Variants in BOLL observed in about 807,000 individuals in gnomAD.
BOLL encodes protein boule-like.
In BOLL, 23 loss-of-function variants were observed where a neutral mutation model predicts 44.4. The ratio of observed to expected loss-of-function variants is 0.52; its 90% confidence interval spans 0.37 to 0.73. BOLL has a LOEUF of 0.73. Ranked by LOEUF, BOLL falls within the 30% of genes least tolerant of loss-of-function variation. The pLI is 0.00. For missense variants in BOLL, 287 were observed against 338.3 expected (o/e 0.85, Z 1.19); for synonymous variants, 97 against 110.8 (o/e 0.88, Z 0.78).
At chr2:197,729,279 C>G (rs754018862) in intron 10 of BOLL, among the ~76,000 whole-genome samples, 3 of 152,198 alleles carry the variant, frequency 2.0e-5, no homozygotes, top group Admixed American at 6.5e-5. Context: ...CGGCGCACCA[C>G]GAGATTATAT....
intron 10 of BOLL, among the ~76,000 whole-genome samples, chr2:197,735,164 C>T (rs946891319): frequency 5.3e-5 from 8 of 151,976 alleles, no homozygotes; most frequent in African/African-American, 1.9e-4. Flanking sequence ...TCTATTTTCT[C>T]TCTTTAGAAG....
intron 3 of BOLL, among the ~76,000 whole-genome samples, chr2:197,777,940 A>T (rs1259351072): frequency 6.6e-6 from 1 of 151,966 alleles, no homozygotes; most frequent in Admixed American, 6.6e-5. Context: ...CTATTTGCCC[A>T]AACATTAAAA....
At chr2:197,730,244 G>A (rs1381388799) in intron 10 of BOLL, among the ~76,000 whole-genome samples, 3 of 131,966 alleles carry the variant, frequency 2.3e-5, no homozygotes, top group Non-Finnish European at 3.2e-5. Context: ...GAAATGAAGC[G>A]AGAAGGGAAG....
intron 5 of BOLL, among the ~76,000 whole-genome samples, chr2:197,775,453 A>G (rs1689465700): frequency 6.7e-6 from 1 of 148,564 alleles, no homozygotes; most frequent in South Asian, 2.1e-4. Context: ...AATATACTTA[A>G]GCATCTTTAT....
At chr2:197,785,933 C>T (rs771297767), upstream of BOLL, 4 of 1,456,152 alleles carry the variant, frequency 2.7e-6, no homozygotes, top group Non-Finnish European at 9.6e-7. The surrounding 1 kb of genome is among the most constrained non-coding windows in gnomAD (Gnocchi z 6.7). Flanking sequence ...CTCCACGCTG[C>T]TCCTTCTCCC....
intron 10 of BOLL, among the ~76,000 whole-genome samples, chr2:197,741,677 A>G (rs995972117): frequency 6.6e-6 from 1 of 152,130 alleles, no homozygotes; most frequent in Non-Finnish European, 1.5e-5. Context: ...TGGATTAAAG[A>G]CTTACATGTT....
At chr2:197,740,494 T>C (rs1209073509) in intron 10 of BOLL, among the ~76,000 whole-genome samples, 15 of 152,066 alleles carry the variant, frequency 9.9e-5, no homozygotes, top group Admixed American at 9.8e-4. Flanking sequence ...AGTCAAAATA[T>C]ATTGAGTGTA....
At chr2:197,744,650 A>C (rs1163693446) in intron 9 of BOLL, among the ~76,000 whole-genome samples, 1 of 152,204 alleles carries the variant, frequency 6.6e-6, no homozygotes, top group Non-Finnish European at 1.5e-5. Flanking sequence ...GCAGAAAATC[A>C]GGGAAGTGGT....
chr2:197,762,473 TA>T (rs941538625), intron 7 of BOLL, among the ~76,000 whole-genome samples: 3 of 151,992 alleles, frequency 2.0e-5, no homozygotes, highest in Non-Finnish European at 4.4e-5. Context: ...CATCAGGATA[TA>T]AAACATTCTC....
intron 9 of BOLL, among the ~76,000 whole-genome samples, chr2:197,754,788 A>C (rs1244546514): frequency 1.3e-5 from 2 of 148,648 alleles, no homozygotes; most frequent in African/African-American, 2.5e-5. Context: ...CACACACACA[A>C]ACCATAGAAG....
intron 10 of BOLL, 74 bp from the exon 11 acceptor site, chr2:197,728,652 C>T: frequency 1.0e-6 from 1 of 964,426 alleles, no homozygotes. Context: ...CAGATGAGTA[C>T]AGACCATCAA....
rs758082088 is a variant in BOLL, at chr2:197,727,002, A to G, written c.*1553T>C. ...TGGTTCTCAAGGATAGTGCTATTAA[A>G]AGAAAATCTTGAACATCAGTGGTTA... On this transcript the variant is annotated 3_prime_UTR_variant, in exon 11 of 11. Coordinates refer to ENST00000392296, the MANE Select transcript of BOLL (RefSeq NM_033030.6). 7 of 152,692 alleles carry G rather than the reference A, an allele frequency of 4.6e-5. No homozygotes were observed. Among genetic ancestry groups the G allele is most frequent in the African/African-American group, 7.2e-5 (3 of 41,442 alleles). 9.5% of individuals were successfully genotyped at this position (152,692 alleles called of 1,614,324 possible).
intron 6 of BOLL, among the ~76,000 whole-genome samples, chr2:197,770,936 G>T (rs549425784): frequency 2.2e-4 from 33 of 152,220 alleles, no homozygotes; most frequent in African/African-American, 7.7e-4. Flanking sequence ...GGAAGTCAGT[G>T]TGGCGATTTC....
chr2:197,776,443 C>A (rs1689517133), intron 4 of BOLL, among the ~76,000 whole-genome samples: 1 of 151,786 alleles, frequency 6.6e-6, no homozygotes, highest in Non-Finnish European at 1.5e-5. Flanking sequence ...AGGTTGATGG[C>A]AATATTGTGA....
At position 197,780,754 on chromosome 2, in the gene BOLL, A is replaced by C. The variant is rs73990706; in HGVS notation, c.129+968T>G. Among the ~76,000 whole-genome samples, 1,425 of 146,310 alleles carry C rather than the reference A, an allele frequency of 9.7e-3. 26 individuals carry two copies. Among genetic ancestry groups the C allele is most frequent in the African/African-American group, 0.033 (1,293 of 38,830 alleles). On this transcript the variant is annotated intron_variant, in intron 2 of 10. Coordinates refer to ENST00000392296, the MANE Select transcript of BOLL (RefSeq NM_033030.6). Reference sequence around the variant, plus strand: ...ATATGGAAATAGTTATAAATGTCAAATATCACACCTAATGGCATAAGGAAG... The same window carrying C: ...ATATGGAAATAGTTATAAATGTCAACTATCACACCTAATGGCATAAGGAAG...
At chr2:197,750,082 C>G (rs1378955693) in intron 9 of BOLL, among the ~76,000 whole-genome samples, 1 of 152,192 alleles carries the variant, frequency 6.6e-6, no homozygotes, top group African/African-American at 2.4e-5. Context: ...AAATCCTTTA[C>G]AGACAAGCAA....
At chr2:197,764,663 A>G (rs1688907400) in intron 7 of BOLL, among the ~76,000 whole-genome samples, 1 of 152,116 alleles carries the variant, frequency 6.6e-6, no homozygotes, top group South Asian at 2.1e-4. Flanking sequence ...ATTTACTTGT[A>G]TTCCTGTTTT....
At chr2:197,752,294 G>A (rs1688298391) in intron 9 of BOLL, among the ~76,000 whole-genome samples, 1 of 152,136 alleles carries the variant, frequency 6.6e-6, no homozygotes. Context: ...TGGAAGTTCT[G>A]GCCAGGGCAA....
chr2:197,740,327 T>C (rs1687673630), intron 10 of BOLL, among the ~76,000 whole-genome samples: 1 of 152,176 alleles, frequency 6.6e-6, no homozygotes, highest in Non-Finnish European at 1.5e-5. Context: ...CTCACCAAAG[T>C]ACACTGTATG....
Sources: allele counts gnomAD v4.1 joint callset (sites outside exome capture counted in the v4.1 genomes callset), GRCh38; gene constraint gnomAD v4.1.1; non-coding constraint Gnocchi (gnomAD v3.1); transcripts MANE v1.5; gene names NCBI Gene and HGNC (gene_info 2026-07-23, HGNC 2026-07-21).